The following SYT17 variants were observed in gnomAD, a reference collection of about 807,000 sequenced individuals.
SYT17 encodes synaptotagmin 17.
A neutral mutation model predicts 46.7 loss-of-function variants in SYT17; 22 were observed. The observed-to-expected ratio is 0.47, with a 90% CI of 0.34 to 0.67. The LOEUF is 0.67. SYT17 is among the 30% of genes least tolerant of loss of function. The pLI, the probability that SYT17 is intolerant of heterozygous loss-of-function variation, is 0.01. For missense variants in SYT17, 519 were observed against 612.8 expected, an observed-to-expected ratio of 0.85 and a Z score of 1.62; for synonymous variants, 251 against 248.4, an observed-to-expected ratio of 1.01 and a Z score of -0.10.
chr16:19,226,634 C>T (rs1487138299), intron 7 of SYT17, among the ~76,000 whole-genome samples: 1 of 152,156 alleles, frequency 6.6e-6, no homozygotes, highest in Non-Finnish European at 1.5e-5. Flanking sequence ...TACAAATAGA[C>T]AAGGGCCTCA....
intron 7 of SYT17, among the ~76,000 whole-genome samples, chr16:19,232,039 G>A (rs972228525): frequency 6.6e-6 from 1 of 152,166 alleles, no homozygotes; most frequent in Admixed American, 6.5e-5. Context: ...GGATTGCAGG[G>A]GATGCAGAGA....
chr16:19,252,985 T>C (rs1968296666), intron 7 of SYT17, among the ~76,000 whole-genome samples: 1 of 152,206 alleles, frequency 6.6e-6, no homozygotes, highest in African/African-American at 2.4e-5. Context: ...CTGTGTGGGC[T>C]TGAGAATTCG....
intron 7 of SYT17, among the ~76,000 whole-genome samples, chr16:19,249,044 G>A (rs1350686767): frequency 6.6e-6 from 1 of 152,158 alleles, no homozygotes; most frequent in East Asian, 1.9e-4. Context: ...GGAGGCCGAG[G>A]CGGGTGGATC....
intron 4 of SYT17, among the ~76,000 whole-genome samples, chr16:19,180,860 A>G (rs754684343): frequency 1.1e-4 from 17 of 152,200 alleles, no homozygotes; most frequent in Non-Finnish European, 1.9e-4. Flanking sequence ...GCTATATTAT[A>G]TAGCAGGGTT....
chr16:19,172,803 G>T, intron 2 of SYT17, 26 bp downstream of exon 2: 1 of 1,613,824 alleles, frequency 6.2e-7, no homozygotes, highest in Non-Finnish European at 8.5e-7. Flanking sequence ...GATTTGTTTG[G>T]TCTGGTTTCT....
At position 19,183,621 on chromosome 16, in the gene SYT17, C is replaced by G; in HGVS notation, c.425C>G (p.Ser142Trp). ...LSAKKEPIQPSVLRRTYNPDD... is the reference protein window; with the variant it reads ...LSAKKEPIQPWVLRRTYNPDD... ...GCCAAGAAGGAGCCCATCCAACCTT[C>G]GGTGCTCAGACGGACCTATAACCCC... Residue 142 changes from serine to tryptophan, a missense_variant, in exon 5 of 8, where the codon TCG becomes TGG. Physicochemically the swap from Ser to Trp is radical, Grantham distance 177. Coordinates refer to ENST00000355377, the MANE Select transcript of SYT17 (RefSeq NM_016524.4). This position sits in a 1 kb window ranked among gnomAD's most constrained non-coding sequence, Gnocchi z 5.6. The G allele has an allele frequency of 6.2e-7, 1 of 1,614,180 alleles. No individual in the cohort carries two copies. The highest frequency in any genetic ancestry group is 8.5e-7 in the Non-Finnish European group (1 of 1,180,030).
chr16:19,228,115 G>T (rs1275769896), intron 7 of SYT17, among the ~76,000 whole-genome samples: 1 of 152,168 alleles, frequency 6.6e-6, no homozygotes, highest in Non-Finnish European at 1.5e-5. Context: ...ATACATGGAA[G>T]TATGGAAAAT....
intron 7 of SYT17, among the ~76,000 whole-genome samples, chr16:19,258,477 C>G (rs1968736016): frequency 6.6e-6 from 1 of 151,876 alleles, no homozygotes. Flanking sequence ...CCCGTCTCTA[C>G]TAAAAAACAC....
chr16:19,197,594 G>A (rs1370583451), intron 5 of SYT17, among the ~76,000 whole-genome samples: 2 of 152,010 alleles, frequency 1.3e-5, no homozygotes, highest in African/African-American at 2.4e-5. Flanking sequence ...GACCACAGTC[G>A]TGAGCCACCA....
At chr16:19,254,410 A>G (rs749842253) in intron 7 of SYT17, among the ~76,000 whole-genome samples, 7 of 152,208 alleles carry the variant, frequency 4.6e-5, no homozygotes, top group Non-Finnish European at 5.9e-5. Flanking sequence ...TTTGAAAACC[A>G]GTGCCACCCA....
intron 5 of SYT17, among the ~76,000 whole-genome samples, chr16:19,218,460 G>T (rs921906051): frequency 3.9e-5 from 6 of 152,196 alleles, no homozygotes; most frequent in African/African-American, 1.4e-4. Flanking sequence ...TGGAGGATGG[G>T]ATGGGTAGAG....
chr16:19,242,491 A>G (rs1050737686), intron 7 of SYT17, among the ~76,000 whole-genome samples: 1 of 152,170 alleles, frequency 6.6e-6, no homozygotes, highest in Non-Finnish European at 1.5e-5. Flanking sequence ...AGCAGAGACT[A>G]TAGCAAGGAA....
rs1186422787 is a variant in SYT17 at position 19,241,114 on chromosome 16, A to AT, written c.1228+16282dup. Among the ~76,000 whole-genome samples, 7 of 150,908 alleles carry AT rather than the reference A, an allele frequency of 4.6e-5. No individual in the cohort carries two copies. The East Asian group carries it at 1.4e-3, about 29-fold the overall frequency. On this transcript the variant is annotated intron_variant, in intron 7 of 7. Transcript: ENST00000355377. ...AGGCGCCCGCCACTACGCCCGGCTAATTTTTTGTATTTTTAGTAGAGACGG... is the reference window on the plus strand; with the variant it reads ...AGGCGCCCGCCACTACGCCCGGCTAATTTTTTTGTATTTTTAGTAGAGACGG...
intron 5 of SYT17, among the ~76,000 whole-genome samples, chr16:19,205,896 G>A (rs1226600163): frequency 6.6e-6 from 1 of 151,828 alleles, no homozygotes; most frequent in Non-Finnish European, 1.5e-5. Flanking sequence ...TCCTTATTAT[G>A]TTTCTTCCAC....
intron 1 of SYT17, chr16:19,171,328 T>TGATG: frequency 7.2e-6 from 1 of 138,522 alleles, no homozygotes; most frequent in Non-Finnish European, 1.6e-5. Flanking sequence ...TGATGATGAT[T>TGATG]ATGATTATTA....
chr16:19,238,640 ACT>A (rs1180855568), intron 7 of SYT17, among the ~76,000 whole-genome samples: 1 of 152,054 alleles, frequency 6.6e-6, no homozygotes, highest in African/African-American at 2.4e-5. Flanking sequence ...CTGTTTAATG[ACT>A]CTGGTGCCTT....
chr16:19,257,217 T>C (rs527992408), intron 7 of SYT17, among the ~76,000 whole-genome samples: 1 of 152,116 alleles, frequency 6.6e-6, no homozygotes, highest in Non-Finnish European at 1.5e-5. Flanking sequence ...CAGCAGCTGC[T>C]GTGAATCACG....
At chr16:19,200,627 G>A (rs1477990148) in intron 5 of SYT17, among the ~76,000 whole-genome samples, 1 of 152,182 alleles carries the variant, frequency 6.6e-6, no homozygotes, top group Non-Finnish European at 1.5e-5. Context: ...CTCTCCATTC[G>A]AGTTTTATTT....
chr16:19,256,611 C>T (rs896680860), intron 7 of SYT17, among the ~76,000 whole-genome samples: 15 of 151,396 alleles, frequency 9.9e-5, no homozygotes, highest in Non-Finnish European at 2.1e-4. Flanking sequence ...CAGGGTCTTA[C>T]TCTTTCGACC....
Sources: gnomAD v4.1 joint callset for allele counts (sites outside exome capture counted in the v4.1 genomes callset) on GRCh38, gnomAD v4.1.1 for gene constraint, Gnocchi (gnomAD v3.1) non-coding constraint, MANE v1.5 for transcripts, NCBI Gene and HGNC (gene_info 2026-07-23, HGNC 2026-07-21) for gene names.